GNPAT: variants seen among roughly 807,000 people sequenced by gnomAD.
GNPAT encodes glyceronephosphate O-acyltransferase, also known as dihydroxyacetone phosphate acyltransferase.
Under a neutral mutation model 78.4 loss-of-function variants are expected in GNPAT, and 30 were observed. The observed-to-expected ratio is 0.38, with a 90% CI of 0.29 to 0.52. GNPAT has a LOEUF of 0.52. Among genes scored for constraint, GNPAT ranks in the 20% least tolerant of loss-of-function variants. The pLI is 0.84. For synonymous variants in GNPAT, 271 were observed against 281.1 expected (o/e 0.96, Z 0.36); for missense variants, 714 against 812.2 (o/e 0.88, Z 1.47).
chr1:231,244,700 AAT>A (rs1308525400), intron 1 of GNPAT, among the ~76,000 whole-genome samples: 1 of 152,200 alleles, frequency 6.6e-6, no homozygotes, highest in East Asian at 1.9e-4. Flanking sequence ...TAGGGTTAGA[AAT>A]ATGGTGCCAG....
intron 2 of GNPAT, among the ~76,000 whole-genome samples, chr1:231,260,188 A>G (rs1251654467): frequency 6.6e-6 from 1 of 152,224 alleles, no homozygotes; most frequent in East Asian, 1.9e-4. Flanking sequence ...TTGCTAGGAC[A>G]CTAGACCATG....
intron 1 of GNPAT, among the ~76,000 whole-genome samples, chr1:231,243,046 C>A (rs575517745): frequency 6.6e-6 from 1 of 152,260 alleles, no homozygotes; most frequent in African/African-American, 2.4e-5. Context: ...GTAGAAGATA[C>A]TGCTGATTGC....
At chr1:231,247,091 G>A (rs1357843876) in intron 1 of GNPAT, among the ~76,000 whole-genome samples, 1 of 152,046 alleles carries the variant, frequency 6.6e-6, no homozygotes, top group African/African-American at 2.4e-5. Context: ...GCGTGAACCC[G>A]GGAGGCGGAG....
intron 2 of GNPAT, among the ~76,000 whole-genome samples, chr1:231,255,356 C>T (rs1429133687): frequency 6.6e-6 from 1 of 152,084 alleles, no homozygotes; most frequent in African/African-American, 2.4e-5. Context: ...ATCCTTTAAC[C>T]CCATGCCTTC....
At position 231,264,752 on chromosome 1, in the gene GNPAT, G is replaced by A. The variant is rs528011949; in HGVS notation, c.569-541G>A. Among the ~76,000 whole-genome samples the A allele has an allele frequency of 2.0e-5, 3 of 152,270 alleles. No homozygotes were observed. The South Asian group carries it at 6.2e-4, about 32-fold the overall frequency. On this transcript the variant is annotated intron_variant, in intron 4 of 15. Coordinates refer to ENST00000366647, the MANE Select transcript of GNPAT (RefSeq NM_014236.4). ...TTCCTGGTAGGCAAAAGATGAGAGC[G>A]GGTTTGGCCTGGCTGTCCAGAGCAT... is the stretch of plus-strand genomic sequence containing the variant.
At chr1:231,248,899 T>C (rs530616704) in intron 1 of GNPAT, among the ~76,000 whole-genome samples, 19 of 152,352 alleles carry the variant, frequency 1.2e-4, no homozygotes, top group African/African-American at 4.3e-4. Context: ...AGCCTAGGTA[T>C]GTAGTAGGCT....
At chr1:231,249,213 T>G (rs2102800117) in intron 1 of GNPAT, among the ~76,000 whole-genome samples, 1 of 152,332 alleles carries the variant, frequency 6.6e-6, no homozygotes, top group Middle Eastern at 3.4e-3. Flanking sequence ...TTTTCCAGCC[T>G]TATAAGCAAG....
chr1:231,275,485 G>A lies in GNPAT; in HGVS notation c.1924G>A (p.Glu642Lys), dbSNP rs1685686581. 6.3e-7 allele frequency: 1 copy of A among 1,592,780 alleles called. No individual in the cohort carries two copies. Among genetic ancestry groups the A allele is most frequent in the African/African-American group, 1.3e-5 (1 of 74,674 alleles). ...AGCCTGTGTGAGGCTCGGAGTAGTG[G>A]AGAAGAAGAAGATGTAAGTACTGTA... is the stretch of plus-strand genomic sequence containing the variant. ...LAACVRLGVVEKKKINNNCIF... is the reference protein window; with the variant it reads ...LAACVRLGVVKKKKINNNCIF... The change falls in exon 14 of 16, where the codon GAG (glutamate) becomes AAG (lysine). Residue 642 changes from glutamate (E) to lysine (K), a missense_variant. By Grantham distance (56) the Glu-to-Lys change is moderately conservative. Transcript: ENST00000366647.
At position 231,251,002 on chromosome 1, in the gene GNPAT, A is replaced by G; in HGVS notation, c.120A>G (p.Glu40=). Residue 40 remains glutamate, a synonymous_variant, in exon 2 of 16, where the codon GAA becomes GAG. Coordinates refer to ENST00000366647, the MANE Select transcript of GNPAT (RefSeq NM_014236.4). ...GGGATGAGTTTGAAGATATTTTAGA[A>G]GAGAGGAGGCATGTCAGTGACTTGA... ...KKWDEFEDIL[E]ERRHVSDLKF... is the part of the protein sequence containing the mutation. The G allele has an allele frequency of 2.5e-6, 4 of 1,612,494 alleles. No homozygotes were observed. Among genetic ancestry groups the G allele is most frequent in the Non-Finnish European group, 3.4e-6 (4 of 1,178,588 alleles).
Position 231,267,897 on chromosome 1 carries a change from T to C in GNPAT, c.1273T>C (p.Trp425Arg). 6.3e-7 allele frequency: 1 copy of C among 1,582,464 alleles called. No individual in the cohort carries two copies. The highest frequency in any genetic ancestry group is 8.7e-7 in the Non-Finnish European group (1 of 1,150,954). The stretch of plus-strand genomic sequence containing the variant: ...CCAGGCATTTGGAGGGTTTCTCATT[T>C]GGCCTGGTATGTAGGTAGGACATAT... Reference protein sequence around the residue: ...LTQAFGGFLIWPDNKPAEEVV... With the variant: ...LTQAFGGFLIRPDNKPAEEVV... Residue 425 changes from tryptophan to arginine, a missense_variant, in exon 9 of 16, where the codon TGG becomes CGG. Coordinates refer to ENST00000366647, the MANE Select transcript of GNPAT (RefSeq NM_014236.4).
chr1:231,260,366 G>A (rs1685188437), intron 2 of GNPAT, 141 bp from the exon 3 acceptor site: 3 of 633,012 alleles, frequency 4.7e-6, no homozygotes, highest in Non-Finnish European at 8.2e-6. Context: ...ACTGTGTTGG[G>A]AAGTTGTCAA....
At chr1:231,253,631 G>A (rs1684962301) in intron 2 of GNPAT, among the ~76,000 whole-genome samples, 1 of 152,032 alleles carries the variant, frequency 6.6e-6, no homozygotes, top group South Asian at 2.1e-4. Flanking sequence ...TATCAGGTTG[G>A]GCCTATTTCA....
chr1:231,275,390 C>A lies in GNPAT; in HGVS notation c.1844-15C>A. 2 of 1,583,450 alleles carry A rather than the reference C, an allele frequency of 1.3e-6. No homozygotes were observed. Among genetic ancestry groups the A allele is most frequent in the Non-Finnish European group, 1.7e-6 (2 of 1,152,002 alleles). On this transcript the variant is annotated splice_polypyrimidine_tract_variant and intron_variant, in intron 13 of 15. Coordinates refer to ENST00000366647, the MANE Select transcript of GNPAT (RefSeq NM_014236.4). ...AGAAACTGGTCAACTAACTCTTCCT[C>A]ACCCCCAATTTTAGGTACCTCTCAA...
At chr1:231,246,476 G>C (rs866207351) in intron 1 of GNPAT, among the ~76,000 whole-genome samples, 1 of 152,158 alleles carries the variant, frequency 6.6e-6, no homozygotes, top group African/African-American at 2.4e-5. Flanking sequence ...TGAATGAGTG[G>C]ATCCTCCAGA....
rs579118 is a variant in GNPAT at position 231,268,171 on chromosome 1, T to C, written c.1279+268T>C. Among the ~76,000 whole-genome samples the C allele has an allele frequency of 0.012, 1,828 of 152,046 alleles. 39 individuals are homozygous for C. The highest frequency in any genetic ancestry group is 0.042 in the African/African-American group (1,727 of 41,454). Reference sequence around the variant, plus strand: ...AGAAAAAATTAACCAGGCGTGGTGGTAGGCGCCTGTAGTCCCAGCTACTCG... The same window carrying C: ...AGAAAAAATTAACCAGGCGTGGTGGCAGGCGCCTGTAGTCCCAGCTACTCG... On this transcript the variant is annotated intron_variant, in intron 9 of 15. Coordinates refer to ENST00000366647, the MANE Select transcript of GNPAT (RefSeq NM_014236.4).
At chr1:231,275,552 A>T in intron 14 of GNPAT, 54 bp downstream of exon 14, 2 of 990,034 alleles carry the variant, frequency 2.0e-6, no homozygotes, top group South Asian at 2.6e-5. Flanking sequence ...AATGAATGAC[A>T]TTTGAGCTCA....
In GNPAT at chr1:231,272,403, A is replaced by T. The variant is rs371750243; in HGVS notation, c.1602+12A>T. ...GAAACACACTAAAGGTAAAGTGCTT[A>T]CAACAAAGAGCAAGTATGTTTGCAG... On this transcript the variant is annotated intron_variant, in intron 11 of 15. Coordinates refer to ENST00000366647, the MANE Select transcript of GNPAT (RefSeq NM_014236.4). The T allele has an allele frequency of 2.9e-6, 4 of 1,391,026 alleles. No individual in the cohort carries two copies. The highest frequency in any genetic ancestry group is 4.1e-6 in the Non-Finnish European group (4 of 978,184). 86.2% of individuals were successfully genotyped at this position (1,391,026 alleles called of 1,614,324 possible). A position where few individuals can be genotyped will look rare whatever the true frequency, so the allele number is the denominator to read the frequency against.
chr1:231,270,390 C>T (rs1288879386), intron 9 of GNPAT, among the ~76,000 whole-genome samples: 1 of 152,034 alleles, frequency 6.6e-6, no homozygotes, highest in African/African-American at 2.4e-5. Flanking sequence ...TCTTACATTC[C>T]CGTGCATGTG....
Position 231,272,368 on chromosome 1 carries a change from T to C in GNPAT, c.1579T>C (p.Phe527Leu). ...LRDVFADEFI[F>L]LPGNTLKDFE... The stretch of plus-strand genomic sequence containing the variant: ...TGATGTTTTTGCAGATGAGTTCATC[T>C]TCCTTCCAGGAAACACACTAAAGGT... Residue 527 changes from phenylalanine to leucine, a missense_variant, in exon 11 of 16, where the codon TTC (phenylalanine) becomes CTC (leucine). By Grantham distance (22) the Phe-to-Leu change is conservative (BLOSUM62 0). Coordinates refer to ENST00000366647, the MANE Select transcript of GNPAT (RefSeq NM_014236.4). The C allele has an allele frequency of 6.3e-7, 1 of 1,583,122 alleles. No homozygotes were observed. The highest frequency in any genetic ancestry group is 8.7e-7 in the Non-Finnish European group (1 of 1,152,500).
Sources: allele counts gnomAD v4.1 joint callset (sites outside exome capture counted in the v4.1 genomes callset), GRCh38; gene constraint gnomAD v4.1.1; transcripts MANE v1.5; gene names NCBI Gene and HGNC (gene_info 2026-07-23, HGNC 2026-07-21).